Variants in HHAT observed in about 807,000 individuals in gnomAD.
HHAT encodes the protein protein-cysteine N-palmitoyltransferase HHAT.
In HHAT, 47 loss-of-function variants were observed where a neutral mutation model predicts 70.8. The ratio of observed to expected loss-of-function variants is 0.66; its 90% CI spans 0.53 to 0.85. The LOEUF is 0.85. Ranked by LOEUF, HHAT falls within the 40% of genes least tolerant of loss-of-function variation. The pLI is 0.00. For synonymous variants in HHAT, 228 were observed against 247.6 expected (o/e 0.92, Z 0.74); for missense variants, 609 against 604.8 (o/e 1.01, Z -0.07).
At chr1:210,369,806 C>A (rs2089377215) in intron 3 of HHAT, 1 of 152,270 alleles carries the variant, frequency 6.6e-6, no homozygotes, top group South Asian at 2.1e-4. Flanking sequence ...TATAGCATGC[C>A]TGACGACCTG....
At chr1:210,327,715 A>C (rs868821539), upstream of HHAT, among the ~76,000 whole-genome samples, 55 of 152,318 alleles carry the variant, frequency 3.6e-4, no homozygotes, top group African/African-American at 1.2e-3. Flanking sequence ...CATGTTGGCC[A>C]GGCTGGTCTC....
At chr1:210,461,906 A>C (rs2093986979) in intron 7 of HHAT, among the ~76,000 whole-genome samples, 1 of 152,160 alleles carries the variant, frequency 6.6e-6, no homozygotes, top group Admixed American at 6.5e-5. Context: ...ATAGTGGTTT[A>C]AAAAAACCCC....
intron 9 of HHAT, among the ~76,000 whole-genome samples, chr1:210,552,717 A>T (rs1055791694): frequency 6.6e-6 from 1 of 152,188 alleles, no homozygotes; most frequent in African/African-American, 2.4e-5. Flanking sequence ...TCAGTGGGTG[A>T]GGCAGCTCTC....
chr1:210,622,852 A>G (rs974682148), intron 10 of HHAT, among the ~76,000 whole-genome samples: 15 of 152,196 alleles, frequency 9.9e-5, no homozygotes, highest in African/African-American at 3.6e-4. Flanking sequence ...CCATGGAGCT[A>G]TATATACTAG....
intron 3 of HHAT, among the ~76,000 whole-genome samples, chr1:210,378,496 G>GA (rs2090397624): frequency 6.6e-6 from 1 of 152,074 alleles, no homozygotes; most frequent in African/African-American, 2.4e-5. Context: ...GTATAATAAT[G>GA]AAAAATATAA....
chr1:210,373,218 C>G (rs1046777602), intron 3 of HHAT, among the ~76,000 whole-genome samples: 1 of 151,760 alleles, frequency 6.6e-6, no homozygotes, highest in Non-Finnish European at 1.5e-5. Context: ...AGTGCCATAA[C>G]AAGACTCAGA....
chr1:210,580,484 T>TCCCCCCA (rs961014909), intron 9 of HHAT, among the ~76,000 whole-genome samples: 1 of 87,166 alleles, frequency 1.1e-5, no homozygotes, highest in Non-Finnish European at 2.2e-5. Flanking sequence ...CTAAGTTCCC[T>TCCCCCCA]CCCCCCACCC....
intron 6 of HHAT, among the ~76,000 whole-genome samples, chr1:210,405,840 G>C (rs895734979): frequency 6.6e-6 from 1 of 152,140 alleles, no homozygotes; most frequent in Non-Finnish European, 1.5e-5. Context: ...GTTTGGGATC[G>C]TTCTTTTGTC....
At chr1:210,363,372 C>G (rs2088569469) in intron 3 of HHAT, among the ~76,000 whole-genome samples, 1 of 152,216 alleles carries the variant, frequency 6.6e-6, no homozygotes, top group Non-Finnish European at 1.5e-5. Context: ...TGCCAGGTGG[C>G]TGGCTCGCTT....
rs1680451820 is a variant in HHAT, at chr1:210,673,258, CAAG to C, written c.1391-1026_1391-1024del. On this transcript the variant is annotated intron_variant, in intron 11 of 11. Transcript: ENST00000261458. ...TCTTGAAACCTCTGGGGAGGCTGAC[CAAG>C]AAGGACAGAGGACCCTATATTTGGG... Among the ~76,000 whole-genome samples the C allele has an allele frequency of 4.6e-5, 7 of 152,066 alleles. No individual in the cohort carries two copies. The South Asian group carries it at 1.5e-3, about 32-fold the overall frequency.
At chr1:210,593,854 A>G (rs949529250) in intron 10 of HHAT, among the ~76,000 whole-genome samples, 2 of 152,128 alleles carry the variant, frequency 1.3e-5, no homozygotes, top group African/African-American at 4.8e-5. Context: ...TATTGGTTGC[A>G]TATGTTATTT....
chr1:210,589,601 A>AG (rs1312490680), intron 10 of HHAT: 1 of 152,264 alleles, frequency 6.6e-6, no homozygotes, highest in Non-Finnish European at 1.5e-5. Flanking sequence ...TCTTTCATGA[A>AG]GCAAGTAACA....
intron 11 of HHAT, among the ~76,000 whole-genome samples, chr1:210,658,266 C>G (rs993137218): frequency 2.0e-5 from 3 of 152,130 alleles, no homozygotes; most frequent in African/African-American, 7.2e-5. Flanking sequence ...CCAAGTGTCC[C>G]TTTTCCTCCC....
chr1:210,374,539 C>T (rs192423452), intron 3 of HHAT, among the ~76,000 whole-genome samples: 2 of 152,284 alleles, frequency 1.3e-5, no homozygotes, highest in East Asian at 3.9e-4. Flanking sequence ...GCCTTTGGTG[C>T]TACCACTAGG....
chr1:210,481,514 C>T (rs1284813342), intron 8 of HHAT, among the ~76,000 whole-genome samples: 1 of 151,994 alleles, frequency 6.6e-6, no homozygotes, highest in East Asian at 1.9e-4. Context: ...AATGAAATCG[C>T]CAAAAACACA....
intron 8 of HHAT, among the ~76,000 whole-genome samples, chr1:210,492,434 C>T (rs2094566628): frequency 6.6e-6 from 1 of 152,140 alleles, no homozygotes; most frequent in African/African-American, 2.4e-5. Flanking sequence ...ATGCTGCATG[C>T]ATGAGTGGAT....
rs1227497389 is a variant in HHAT at position 210,675,478 on chromosome 1, T to C, written c.*1099T>C. 1 of 152,022 alleles carries C rather than the reference T, an allele frequency of 6.6e-6. No individual in the cohort carries two copies. Among genetic ancestry groups the C allele is most frequent in the African/African-American group, 2.4e-5 (1 of 41,380 alleles). The allele number at this position is 152,022 out of a possible 1,614,324, so 9.4% of individuals were successfully genotyped here. A position where few individuals can be genotyped will look rare whatever the true frequency, so the allele number is the denominator to read the frequency against. Reference sequence around the variant, plus strand: ...GTTTGAATTTGGATTTTTTTTTTTTTTGGAGTGGGGAAGGGTATAAAGGAG... The same window carrying C: ...GTTTGAATTTGGATTTTTTTTTTTTCTGGAGTGGGGAAGGGTATAAAGGAG... On this transcript the variant is annotated 3_prime_UTR_variant, in exon 12 of 12. Coordinates refer to ENST00000261458, the MANE Select transcript of HHAT (RefSeq NM_018194.6).
chr1:210,599,150 C>G (rs1183702311), intron 10 of HHAT, among the ~76,000 whole-genome samples: 1 of 152,176 alleles, frequency 6.6e-6, no homozygotes, highest in African/African-American at 2.4e-5. Context: ...ACTAGCCCCA[C>G]TGAGCACTTG....
chr1:210,349,481 A>G (rs1479184593), intron 2 of HHAT, among the ~76,000 whole-genome samples: 1 of 152,064 alleles, frequency 6.6e-6, no homozygotes, highest in Non-Finnish European at 1.5e-5. Flanking sequence ...TCATCAGGTC[A>G]CATTCCAGCC....
Sources: allele counts gnomAD v4.1 joint callset (sites outside exome capture counted in the v4.1 genomes callset), GRCh38; gene constraint gnomAD v4.1.1; transcripts MANE v1.5; gene names NCBI Gene and HGNC (gene_info 2026-07-23, HGNC 2026-07-21).